Variants in GUCD1 observed in about 807,000 individuals in gnomAD.
The protein encoded by GUCD1 is protein GUCD1.
GUCD1 carries 17 observed loss-of-function variants against 28.3 expected under a neutral mutation model. That is an observed-to-expected ratio of 0.60 (90% CI 0.41 to 0.90). The LOEUF (loss-of-function observed/expected upper bound fraction) is 0.90, where lower values mean the gene tolerates loss of function less well. Ranked by LOEUF, GUCD1 falls within the 40% of genes least tolerant of loss-of-function variation. GUCD1 has a pLI of 0.00. For synonymous variants in GUCD1, 129 were observed against 123.3 expected, an observed-to-expected ratio of 1.05 and a Z score of -0.30; for missense variants, 279 against 305.5, an observed-to-expected ratio of 0.91 and a Z score of 0.65.
At chr22:24,546,000 C>G (rs1414362129) in intron 4 of GUCD1, among the ~76,000 whole-genome samples, 2 of 146,316 alleles carry the variant, frequency 1.4e-5, no homozygotes, top group Non-Finnish European at 3.0e-5. Flanking sequence ...CTCGCTCTGT[C>G]CCCCAGGCCG....
Position 24,541,937 on chromosome 22 carries a change from C to G in GUCD1, c.*1069G>C, listed in dbSNP as rs1456272298. The G allele has an allele frequency of 6.6e-6, 1 of 152,232 alleles. No homozygotes were observed. The highest frequency in any genetic ancestry group is 1.5e-5 in the Non-Finnish European group (1 of 68,058). 9.4% of individuals were successfully genotyped at this position (152,232 alleles called of 1,614,324 possible). On this transcript the variant is annotated 3_prime_UTR_variant, in exon 6 of 6. Transcript: ENST00000435822. ...AATGAAAACTTAAATCTCAAAGAAACAACCCCTGACCCCAACCTCCCCAAA... is the reference window on the plus strand; with the variant it reads ...AATGAAAACTTAAATCTCAAAGAAAGAACCCCTGACCCCAACCTCCCCAAA...
chr22:24,541,615 TGA>T lies in GUCD1; in HGVS notation c.*1389_*1390del, dbSNP rs2044593714. 1 of 139,456 alleles carries T rather than the reference TGA, an allele frequency of 7.2e-6. No homozygotes were observed. Among genetic ancestry groups the T allele is most frequent in the Admixed American group, 7.6e-5 (1 of 13,132 alleles). 8.6% of individuals were successfully genotyped at this position (139,456 alleles called of 1,614,324 possible). On this transcript the variant is annotated 3_prime_UTR_variant, in exon 6 of 6. Coordinates refer to ENST00000435822, the MANE Select transcript of GUCD1 (RefSeq NM_001284254.2). ...CTGCACTCCAGTCTGGGCAACAGAG[TGA>T]GTCTCCGTCTCAAAAAAAAAAAAAA...
chr22:24,553,474 T>C (rs1044934669), intron 1 of GUCD1, among the ~76,000 whole-genome samples: 1 of 152,170 alleles, frequency 6.6e-6, no homozygotes, highest in Non-Finnish European at 1.5e-5. Context: ...AGTAGGCACT[T>C]AGATATGCTT....
chr22:24,555,602 G>A (rs1476175565), upstream of GUCD1: 1 of 1,550,514 alleles, frequency 6.4e-7, no homozygotes, highest in Non-Finnish European at 8.7e-7. Flanking sequence ...GCCTCACTCA[G>A]GGCCCCCCTT....
At chr22:24,555,886 C>T, upstream of GUCD1, 2 of 1,510,228 alleles carry the variant, frequency 1.3e-6, no homozygotes, top group Non-Finnish European at 1.8e-6. Flanking sequence ...AGCCGGCAGG[C>T]GGAGTGAGGA....
In GUCD1 at chr22:24,550,451, C is replaced by T. The variant is rs116173816; in HGVS notation, c.44-1450G>A. ...GCTTGTGGCATGCAGGACCCTCCTCCGTAGCCACCTCATGAACCTGGACAA... is the reference window on the plus strand; with the variant it reads ...GCTTGTGGCATGCAGGACCCTCCTCTGTAGCCACCTCATGAACCTGGACAA... On this transcript the variant is annotated intron_variant, in intron 1 of 5. Coordinates refer to ENST00000435822, the MANE Select transcript of GUCD1 (RefSeq NM_001284254.2). Among the ~76,000 whole-genome samples, 1,471 of 152,294 alleles carry T rather than the reference C, an allele frequency of 9.7e-3. 33 individuals are homozygous for T. The highest frequency in any genetic ancestry group is 0.034 in the African/African-American group (1,405 of 41,548).
At chr22:24,549,143 T>A in intron 1 of GUCD1, 142 bp from the exon 2 acceptor site, 1 of 606,688 alleles carries the variant, frequency 1.6e-6, no homozygotes, top group Non-Finnish European at 3.0e-6. Context: ...AGGAATCCCC[T>A]CAAATCCAGG....
At chr22:24,555,545 G>C, upstream of GUCD1, 2 of 1,499,818 alleles carry the variant, frequency 1.3e-6, no homozygotes, top group Non-Finnish European at 1.8e-6. Flanking sequence ...ACCCTGAGCG[G>C]GCAGCCGCTC....
upstream of GUCD1, chr22:24,555,207 C>T: frequency 7.6e-7 from 1 of 1,309,328 alleles, no homozygotes; most frequent in Non-Finnish European, 9.7e-7. Flanking sequence ...CTCCTTAGGC[C>T]CCGCCCCAAA....
chr22:24,550,813 C>A (rs1258073061), intron 1 of GUCD1, among the ~76,000 whole-genome samples: 1 of 152,186 alleles, frequency 6.6e-6, no homozygotes, highest in East Asian at 1.9e-4. Context: ...ATTTCCAGGG[C>A]CTTCCCTGAT....
At position 24,553,161 on chromosome 22, in the gene GUCD1, G is replaced by C. The variant is rs528729155; in HGVS notation, c.43+1788C>G. 7.9e-5 allele frequency among the ~76,000 whole-genome samples: 12 copies of C among 152,258 alleles called. No individual in the cohort carries two copies. In the East Asian group the frequency reaches 1.9e-3, roughly 24 times the overall value. ...CACAGCAGCCACACACTGCCTTTTT[G>C]TTTTTCTCTACTCATACTGTTTCCT... On this transcript the variant is annotated intron_variant, in intron 1 of 5. Coordinates refer to ENST00000435822, the MANE Select transcript of GUCD1 (RefSeq NM_001284254.2).
intron 1 of GUCD1, among the ~76,000 whole-genome samples, chr22:24,553,466 T>C (rs2044937222): frequency 6.6e-6 from 1 of 152,108 alleles, no homozygotes; most frequent in Non-Finnish European, 1.5e-5. Context: ...CAGCCCAGAG[T>C]AGGCACTTAG....
intron 4 of GUCD1, among the ~76,000 whole-genome samples, chr22:24,546,280 A>C (rs2044726192): frequency 6.6e-6 from 1 of 152,212 alleles, no homozygotes; most frequent in African/African-American, 2.4e-5. Flanking sequence ...CCATTTTCTA[A>C]ATCACCTATC....
chr22:24,550,506 T>C (rs2044843725), intron 1 of GUCD1, among the ~76,000 whole-genome samples: 1 of 152,168 alleles, frequency 6.6e-6, no homozygotes, highest in Non-Finnish European at 1.5e-5. Flanking sequence ...AAGAGACTTA[T>C]CTCTGCTGTT....
chr22:24,548,387 G>T (rs2044784833), intron 2 of GUCD1, among the ~76,000 whole-genome samples: 1 of 152,184 alleles, frequency 6.6e-6, no homozygotes, highest in South Asian at 2.1e-4. Context: ...CACATCAGTG[G>T]TTTTCAAAGT....
rs2044606074 is a variant in GUCD1, at chr22:24,542,015, AGGAACCCC to A, written c.*983_*990del. 6.6e-6 allele frequency: 1 copy of A among 152,278 alleles called. No individual in the cohort carries two copies. Among genetic ancestry groups the A allele is most frequent in the African/African-American group, 2.4e-5 (1 of 41,468 alleles). The allele number at this position is 152,278 out of a possible 1,614,324, so 9.4% of individuals were successfully genotyped here. On this transcript the variant is annotated 3_prime_UTR_variant, in exon 6 of 6. Coordinates refer to ENST00000435822, the MANE Select transcript of GUCD1 (RefSeq NM_001284254.2). ...CTTGCTGTGTTGTAAGATCCTGGGCAGGAACCCCTCTTCTCCATCAAGATAGACAAGAC... is the reference window on the plus strand; with the variant it reads ...CTTGCTGTGTTGTAAGATCCTGGGCATCTTCTCCATCAAGATAGACAAGAC...
intron 4 of GUCD1, 106 bp from the exon 5 acceptor site, chr22:24,544,189 G>A: frequency 2.7e-6 from 4 of 1,481,590 alleles, no homozygotes; most frequent in South Asian, 2.6e-5. Context: ...TTGGGGATCG[G>A]CTCCTTTTCC....
rs200850225 is a variant in GUCD1 at position 24,550,645 on chromosome 22, C to T, written c.44-1644G>A. Among the ~76,000 whole-genome samples the T allele has an allele frequency of 5.9e-5, 9 of 152,348 alleles. No homozygotes were observed. In the East Asian group the frequency reaches 1.5e-3, roughly 26 times the overall value. On this transcript the variant is annotated intron_variant, in intron 1 of 5. Coordinates refer to ENST00000435822, the MANE Select transcript of GUCD1 (RefSeq NM_001284254.2). ...CCCAGGAGCCCTCCTGCTGTGCCAGCCCCAGTTCCCCTCACTTCCCTGTGT... is the reference window on the plus strand; with the variant it reads ...CCCAGGAGCCCTCCTGCTGTGCCAGTCCCAGTTCCCCTCACTTCCCTGTGT...
In GUCD1 at chr22:24,548,918, G is replaced by GC; in HGVS notation, c.126dup (p.Arg43AlafsTer10). The stretch of plus-strand genomic sequence containing the variant: ...GCCCCCAGCCCTGGCCCCACTCACC[G>GC]CAGCACCATCCTGGAGCAGGCCAGG... On this transcript the variant is annotated frameshift_variant and splice_region_variant, in exon 2 of 6. Coordinates refer to ENST00000435822, the MANE Select transcript of GUCD1 (RefSeq NM_001284254.2). LOFTEE classifies it high-confidence loss of function. The GC allele has an allele frequency of 6.4e-7, 1 of 1,572,632 alleles. No individual in the cohort carries two copies. The highest frequency in any genetic ancestry group is 8.6e-7 in the Non-Finnish European group (1 of 1,158,168).
Sources: gnomAD v4.1 joint callset for allele counts (sites outside exome capture counted in the v4.1 genomes callset) on GRCh38, gnomAD v4.1.1 for gene constraint, MANE v1.5 for transcripts, NCBI Gene and HGNC (gene_info 2026-07-23, HGNC 2026-07-21) for gene names.